The following SKA2 variants were observed in gnomAD, a reference collection of about 807,000 sequenced individuals.
SKA2 encodes the protein spindle and kinetochore-associated protein 2.
SKA2 carries 13 observed loss-of-function variants against 16.9 expected under a neutral mutation model. That is an observed-to-expected ratio of 0.77 (90% confidence interval 0.50 to 1.22). The LOEUF (loss-of-function observed/expected upper bound fraction) is 1.22. Among genes scored for constraint, SKA2 ranks in the 50% most tolerant of loss-of-function variants. The probability of loss-of-function intolerance (pLI) is 0.00; values close to 1 mark genes in which losing one functional copy is unlikely to be tolerated. For missense variants in SKA2, 107 were observed against 139.7 expected (o/e 0.77, Z 1.18); for synonymous variants, 47 against 48.5 (o/e 0.97, Z 0.13).
intron 3 of SKA2, 22 bp downstream of exon 3, chr17:59,119,297 A>G: frequency 1.2e-6 from 2 of 1,611,574 alleles, no homozygotes; most frequent in Non-Finnish European, 1.7e-6. Flanking sequence ...AACAAATCTA[A>G]CCTGTCAACT....
intron 2 of SKA2, among the ~76,000 whole-genome samples, chr17:59,128,890 T>C (rs2046389939): frequency 6.6e-6 from 1 of 152,086 alleles, no homozygotes; most frequent in African/African-American, 2.4e-5. Context: ...AATTATATAC[T>C]TTAAAGGGGT....
rs1429476337 is a variant in SKA2, at chr17:59,110,476, G to A, written c.*1801C>T. The A allele has an allele frequency of 6.6e-6, 1 of 151,784 alleles. No individual in the cohort carries two copies. The highest frequency in any genetic ancestry group is 2.4e-5 in the African/African-American group (1 of 41,300). 9.4% of individuals were successfully genotyped at this position (151,784 alleles called of 1,614,324 possible). On this transcript the variant is annotated 3_prime_UTR_variant, in exon 4 of 4. Coordinates refer to ENST00000330137, the MANE Select transcript of SKA2 (RefSeq NM_182620.4). ...GAAGAAAATTAATATCTGATACTAAGGTGTAACTTATTTCTCTGTAATTAA... is the reference window on the plus strand; with the variant it reads ...GAAGAAAATTAATATCTGATACTAAAGTGTAACTTATTTCTCTGTAATTAA...
chr17:59,119,551 G>T, intron 2 of SKA2, 56 bp from the exon 3 acceptor site: 1 of 1,486,768 alleles, frequency 6.7e-7, no homozygotes, highest in South Asian at 1.2e-5. Context: ...AACTTTTTAA[G>T]AATTAAAATA....
intron 3 of SKA2, 97 bp downstream of exon 3, chr17:59,119,222 G>T: frequency 7.5e-7 from 1 of 1,327,948 alleles, no homozygotes; most frequent in Non-Finnish European, 1.0e-6. Context: ...CAAACTGACT[G>T]CTGAGTTTCA....
intron 2 of SKA2, among the ~76,000 whole-genome samples, chr17:59,121,127 G>A (rs1295021967): frequency 1.3e-5 from 2 of 150,640 alleles, no homozygotes; most frequent in East Asian, 3.9e-4. Flanking sequence ...ACTCCAGCCT[G>A]GGCGACTGAG....
intron 2 of SKA2, among the ~76,000 whole-genome samples, chr17:59,123,021 C>CAAAAAAAAAAAAAAAA (rs1197154280): frequency 4.1e-5 from 2 of 49,080 alleles, no homozygotes; most frequent in African/African-American, 7.0e-5. Flanking sequence ...AACCTTGTCT[C>CAAAAAAAAAAAAAAAA]AAAAAAAAAA....
chr17:59,109,985 G>C lies in SKA2; in HGVS notation c.*2292C>G. On this transcript the variant is annotated 3_prime_UTR_variant, in exon 4 of 4. Coordinates refer to ENST00000330137, the MANE Select transcript of SKA2 (RefSeq NM_182620.4). ...GAGGATTGTAGGTTTTATTGACTAA[G>C]AAGATAAAGGGATGCAAATTAGTTA... 1 of 152,092 alleles carries C rather than the reference G, an allele frequency of 6.6e-6. No homozygotes were observed. The highest frequency in any genetic ancestry group is 1.9e-4 in the East Asian group (1 of 5,204). 9.4% of individuals were successfully genotyped at this position (152,092 alleles called of 1,614,324 possible).
chr17:59,130,097 G>C (rs1327706530), intron 2 of SKA2, among the ~76,000 whole-genome samples: 1 of 151,754 alleles, frequency 6.6e-6, no homozygotes, highest in East Asian at 1.9e-4. Flanking sequence ...AGAAAGAAAA[G>C]AATAGGGAGC....
chr17:59,137,720 G>A, intron 1 of SKA2: 1 of 512,668 alleles, frequency 2.0e-6, no homozygotes, highest in Non-Finnish European at 3.9e-6. Flanking sequence ...TCTTCCTAAA[G>A]ATGACTTTTG....
At chr17:59,153,793 T>C (rs985420970) in intron 1 of SKA2, among the ~76,000 whole-genome samples, 1 of 152,060 alleles carries the variant, frequency 6.6e-6, no homozygotes, top group African/African-American at 2.4e-5. Flanking sequence ...TTTTTTTTTT[T>C]TGAGACGTTG....
intron 3 of SKA2, among the ~76,000 whole-genome samples, chr17:59,119,018 T>G (rs2046314910): frequency 6.6e-6 from 1 of 152,160 alleles, no homozygotes; most frequent in African/African-American, 2.4e-5. Context: ...TCTAGACATC[T>G]CAGTCTCACT....
chr17:59,114,423 G>C (rs2046283457), intron 3 of SKA2, among the ~76,000 whole-genome samples: 3 of 152,178 alleles, frequency 2.0e-5, no homozygotes, highest in African/African-American at 7.2e-5. Flanking sequence ...ATATGGTATA[G>C]CCTACTGCTC....
At chr17:59,140,562 A>C (rs1237548611) in intron 1 of SKA2, among the ~76,000 whole-genome samples, 1 of 151,062 alleles carries the variant, frequency 6.6e-6, no homozygotes, top group African/African-American at 2.4e-5. Context: ...AATTGCTAGG[A>C]TATATACATA....
Position 59,126,520 on chromosome 17 carries a change from G to C in SKA2, c.120+4761C>G, listed in dbSNP as rs1335667208. Reference sequence around the variant, plus strand: ...ACCCTGCCGCCAGACAGAGGTATTAGAGGCTACTGCAACTAGTTGTTTACT... The same window carrying C: ...ACCCTGCCGCCAGACAGAGGTATTACAGGCTACTGCAACTAGTTGTTTACT... On this transcript the variant is annotated intron_variant, in intron 2 of 3. Coordinates refer to ENST00000330137, the MANE Select transcript of SKA2 (RefSeq NM_182620.4). Among the ~76,000 whole-genome samples, 9 of 152,168 alleles carry C rather than the reference G, an allele frequency of 5.9e-5. 1 individual carries two copies. Among genetic ancestry groups the C allele is most frequent in the Non-Finnish European group, 1.3e-4 (9 of 68,046 alleles).
chr17:59,134,154 A>G (rs1487742364), intron 1 of SKA2, among the ~76,000 whole-genome samples: 3 of 152,230 alleles, frequency 2.0e-5, no homozygotes, highest in Non-Finnish European at 2.9e-5. Context: ...ATCTTTTCCT[A>G]TAAATAAGAA....
At chr17:59,135,604 C>CT (rs2046439353) in intron 1 of SKA2, among the ~76,000 whole-genome samples, 1 of 151,936 alleles carries the variant, frequency 6.6e-6, no homozygotes, top group Non-Finnish European at 1.5e-5. Context: ...GCTTGGGCCA[C>CT]TGCCCCCAGC....
At chr17:59,121,793 CAAAAAAAAAA>C (rs758240217) in intron 2 of SKA2, among the ~76,000 whole-genome samples, 77 of 81,140 alleles carry the variant, frequency 9.5e-4, no homozygotes, top group African/African-American at 1.3e-3. Context: ...TACGAAAATA[CAAAAAAAAAA>C]AAAAAAAAAA....
At chr17:59,119,768 A>G (rs2147796330) in intron 2 of SKA2, among the ~76,000 whole-genome samples, 1 of 152,338 alleles carries the variant, frequency 6.6e-6, no homozygotes, top group Middle Eastern at 3.4e-3. Context: ...GTCACCTTAG[A>G]TATATAACAT....
chr17:59,154,822 G>T, intron 1 of SKA2: 4 of 908,680 alleles, frequency 4.4e-6, no homozygotes, highest in South Asian at 1.6e-5. Context: ...TACAAACACA[G>T]AATGCGGTCT....
Sources: gnomAD v4.1 joint callset for allele counts (sites outside exome capture counted in the v4.1 genomes callset) on GRCh38, gnomAD v4.1.1 for gene constraint, MANE v1.5 for transcripts, NCBI Gene and HGNC (gene_info 2026-07-23, HGNC 2026-07-21) for gene names.